The following PRMT3 variants were observed in gnomAD, a reference collection of about 807,000 sequenced individuals.
PRMT3 encodes protein arginine N-methyltransferase 3.
In PRMT3, 62 loss-of-function variants were observed where a neutral mutation model predicts 71.9. The observed-to-expected ratio is 0.86, with a 90% confidence interval of 0.70 to 1.07. PRMT3 has a LOEUF of 1.07. Ranked by LOEUF, PRMT3 falls within the 50% of genes least tolerant of loss-of-function variation. The probability of loss-of-function intolerance (pLI) is 0.00; values close to 1 mark genes in which losing one functional copy is unlikely to be tolerated. For synonymous variants in PRMT3, 213 were observed against 220.4 expected (o/e 0.97, Z 0.30); for missense variants, 663 against 643.0 (o/e 1.03, Z -0.34).
intron 13 of PRMT3, among the ~76,000 whole-genome samples, chr11:20,465,068 T>C (rs1448528804): frequency 1.3e-5 from 2 of 152,154 alleles, no homozygotes; most frequent in African/African-American, 4.8e-5. Flanking sequence ...CTACCACTTA[T>C]TTCGTTGTTA....
At chr11:20,451,213 A>G (rs1038237475) in intron 10 of PRMT3, among the ~76,000 whole-genome samples, 1 of 152,144 alleles carries the variant, frequency 6.6e-6, no homozygotes, top group Admixed American at 6.5e-5. Flanking sequence ...ATTCATTATC[A>G]TACTCTAAAA....
intron 15 of PRMT3, among the ~76,000 whole-genome samples, chr11:20,504,707 T>TGAGA (rs57201745): frequency 0.034 from 4,495 of 133,486 alleles, 143 homozygotes; most frequent in Admixed American, 0.085. Context: ...TGTGTGTGTG[T>TGAGA]GAGAGAGAGA....
At position 20,402,806 on chromosome 11, in the gene PRMT3, TA is replaced by T. The variant is rs1848978631; in HGVS notation, c.706-108del. The T allele has an allele frequency of 7.4e-6, 5 of 679,250 alleles. No individual in the cohort carries two copies. In the Admixed American group the frequency reaches 8.5e-5, roughly 12 times the overall value. The allele number at this position is 679,250 out of a possible 1,614,324, so 42.1% of individuals were successfully genotyped here. ...AAAAATAAGCTTGGTATCCCAGGTA[TA>T]AAAACTGCTATGGAAACTAGCAATG... is the stretch of plus-strand genomic sequence containing the variant. On this transcript the variant is annotated intron_variant, in intron 7 of 15. Coordinates refer to ENST00000331079, the MANE Select transcript of PRMT3 (RefSeq NM_005788.4).
chr11:20,489,923 A>T (rs1020280834), intron 13 of PRMT3, among the ~76,000 whole-genome samples: 1 of 150,922 alleles, frequency 6.6e-6, no homozygotes, highest in Non-Finnish European at 1.5e-5. Context: ...AAATTAAATA[A>T]AAATTTTTAA....
intron 10 of PRMT3, among the ~76,000 whole-genome samples, chr11:20,444,865 T>C (rs796815815): frequency 1.3e-5 from 2 of 152,218 alleles, no homozygotes; most frequent in African/African-American, 4.8e-5. Flanking sequence ...GGTTGTCTCT[T>C]TCTCTTTTCA....
chr11:20,479,810 C>A (rs1483581029), intron 13 of PRMT3, among the ~76,000 whole-genome samples: 1 of 152,130 alleles, frequency 6.6e-6, no homozygotes, highest in Non-Finnish European at 1.5e-5. Context: ...TACCCTGTGT[C>A]TTAACCATTT....
intron 12 of PRMT3, among the ~76,000 whole-genome samples, chr11:20,462,588 G>A (rs115061093): frequency 6.6e-6 from 1 of 152,000 alleles, no homozygotes; most frequent in African/African-American, 2.4e-5. Context: ...TTCTTCCAGC[G>A]TTTTCAGATT....
At chr11:20,418,197 C>T (rs1057154174) in intron 9 of PRMT3, among the ~76,000 whole-genome samples, 3 of 152,080 alleles carry the variant, frequency 2.0e-5, no homozygotes, top group African/African-American at 7.2e-5. Flanking sequence ...TTTATTACCT[C>T]GTCATAGTTC....
At chr11:20,452,243 T>G in intron 11 of PRMT3, 35 bp downstream of exon 11, 1 of 1,499,928 alleles carries the variant, frequency 6.7e-7, no homozygotes, top group Non-Finnish European at 9.3e-7. Context: ...TAATCTAATT[T>G]TAGTCTAGCA....
chr11:20,430,114 T>G (rs1849624435), intron 10 of PRMT3, among the ~76,000 whole-genome samples: 1 of 152,236 alleles, frequency 6.6e-6, no homozygotes, highest in South Asian at 2.1e-4. Context: ...GAACCAGCAT[T>G]TTAAACTTAA....
intron 10 of PRMT3, among the ~76,000 whole-genome samples, chr11:20,436,585 A>G (rs1192359166): frequency 6.6e-6 from 1 of 152,014 alleles, no homozygotes; most frequent in African/African-American, 2.4e-5. Context: ...TATCATGTTT[A>G]TTGACTTGTG....
At chr11:20,397,774 G>A (rs1164467071) in intron 7 of PRMT3, 53 bp downstream of exon 7, 2 of 1,582,492 alleles carry the variant, frequency 1.3e-6, no homozygotes, top group Non-Finnish European at 1.7e-6. Flanking sequence ...AAATAGAACA[G>A]GTTCTTTCTT....
intron 6 of PRMT3, 21 bp from the exon 7 acceptor site, chr11:20,397,556 T>C (rs766148082): frequency 1.2e-6 from 2 of 1,612,936 alleles, no homozygotes; most frequent in African/African-American, 2.7e-5. Context: ...GTCTCAAGGG[T>C]GTATTTCAAA....
chr11:20,476,523 T>C (rs548194701), intron 13 of PRMT3, among the ~76,000 whole-genome samples: 1 of 152,252 alleles, frequency 6.6e-6, no homozygotes, highest in East Asian at 1.9e-4. Context: ...TTAATAAATT[T>C]TACGGCCAAC....
chr11:20,462,178 T>C lies in PRMT3; in HGVS notation c.1260+11T>C. On this transcript the variant is annotated intron_variant, in intron 12 of 15. Transcript: ENST00000331079. ...CCTTGTGGTATTAAGGTAGGTGTTT[T>C]ACCAACTTTATTTTTTATAATGGTA... The C allele has an allele frequency of 1.3e-6, 2 of 1,546,696 alleles. No individual in the cohort carries two copies.
At chr11:20,388,300 GAGA>G in intron 2 of PRMT3, 146 bp downstream of exon 2, 1 of 1,221,346 alleles carries the variant, frequency 8.2e-7, no homozygotes, top group Non-Finnish European at 1.1e-6. Flanking sequence ...AGGGCTTGTG[GAGA>G]AGGAGGACCC....
intron 13 of PRMT3, among the ~76,000 whole-genome samples, chr11:20,476,543 G>GGAAGT (rs1360037542): frequency 6.6e-6 from 1 of 152,122 alleles, no homozygotes; most frequent in East Asian, 1.9e-4. Flanking sequence ...CATTCCATGA[G>GGAAGT]GAAGTGAAAA....
chr11:20,469,047 T>G (rs1850581996), intron 13 of PRMT3, among the ~76,000 whole-genome samples: 2 of 152,232 alleles, frequency 1.3e-5, no homozygotes, highest in African/African-American at 4.8e-5. Flanking sequence ...CAATGAGTAC[T>G]GGTACCACAT....
At chr11:20,486,274 T>A (rs1851069072) in intron 13 of PRMT3, among the ~76,000 whole-genome samples, 1 of 152,202 alleles carries the variant, frequency 6.6e-6, no homozygotes, top group African/African-American at 2.4e-5. Context: ...CTAAAGAATG[T>A]TGAATTGTAC....
Sources: allele counts gnomAD v4.1 joint callset (sites outside exome capture counted in the v4.1 genomes callset), GRCh38; gene constraint gnomAD v4.1.1; transcripts MANE v1.5; gene names NCBI Gene and HGNC (gene_info 2026-07-23, HGNC 2026-07-21).